PIWIL4: variants seen among roughly 807,000 people sequenced by gnomAD.
PIWIL4 encodes the protein piwi like RNA-mediated gene silencing 4.
PIWIL4 carries 50 observed loss-of-function variants against 100.9 expected under a neutral mutation model. The observed-to-expected ratio is 0.50, with a 90% CI of 0.39 to 0.63. The LOEUF (loss-of-function observed/expected upper bound fraction) is 0.63. PIWIL4 is among the 20% of genes least tolerant of loss of function. The probability of loss-of-function intolerance (pLI) is 0.00; values close to 1 mark genes in which losing one functional copy is unlikely to be tolerated. For missense variants in PIWIL4, 887 were observed against 1,043.3 expected (o/e 0.85, Z 2.06); for synonymous variants, 342 against 367.5 (o/e 0.93, Z 0.79).
At chr11:94,612,977 TAG>T (rs1565283837) in intron 15 of PIWIL4, among the ~76,000 whole-genome samples, 1 of 152,212 alleles carries the variant, frequency 6.6e-6, no homozygotes, top group African/African-American at 2.4e-5. Context: ...TCCCTACAAC[TAG>T]AGTTATAAGT....
rs1426723181 is a variant in PIWIL4 at position 94,603,925 on chromosome 11, A to G, written c.1566-59A>G. 13 of 1,033,696 alleles carry G rather than the reference A, an allele frequency of 1.3e-5. No individual in the cohort carries two copies. In the East Asian group the frequency reaches 2.7e-4, roughly 21 times the overall value. The allele number at this position is 1,033,696 out of a possible 1,614,324, so 64.0% of individuals were successfully genotyped here. A position where few individuals can be genotyped will look rare whatever the true frequency, so the allele number is the denominator to read the frequency against. ...TTATTTGTATTATTTCTAATGCCAT[A>G]TAAGTATGTGCTACTAAGAAGGAAG... is the stretch of plus-strand genomic sequence containing the variant. On this transcript the variant is annotated intron_variant, in intron 12 of 19. Coordinates refer to ENST00000299001, the MANE Select transcript of PIWIL4 (RefSeq NM_152431.3).
intron 13 of PIWIL4, among the ~76,000 whole-genome samples, chr11:94,606,658 C>A (rs1024473028): frequency 1.3e-5 from 2 of 152,084 alleles, no homozygotes; most frequent in Admixed American, 1.3e-4. Flanking sequence ...CATAGTGAAA[C>A]CCCGTCTCTA....
chr11:94,603,452 C>T (rs1052718391), intron 12 of PIWIL4, among the ~76,000 whole-genome samples: 17 of 152,114 alleles, frequency 1.1e-4, no homozygotes, highest in South Asian at 2.1e-4. Context: ...AGTACTTGTG[C>T]GCTGATTAAG....
rs143061068 is a variant in PIWIL4 at position 94,619,887 on chromosome 11, C to T, written c.2294+2C>T. ...TTCAGAAGCAACACGTAACGAATGG[C>T]AAGTGCCGCTGGAAAATCAATTTTT... On this transcript the variant is annotated splice_donor_variant, in intron 18 of 19. Transcript: ENST00000299001. LOFTEE classifies it low-confidence loss of function (GC_TO_GT_DONOR). The T allele has an allele frequency of 3.7e-5, 59 of 1,614,098 alleles. No individual in the cohort carries two copies. In the African/African-American group the frequency reaches 7.2e-4, roughly 20 times the overall value.
chr11:94,581,391 T>C (rs1050572622), intron 4 of PIWIL4, among the ~76,000 whole-genome samples: 2 of 152,106 alleles, frequency 1.3e-5, no homozygotes, highest in Non-Finnish European at 2.9e-5. Flanking sequence ...ATGGGAGATA[T>C]GGGATTCCTA....
At chr11:94,617,876 C>A in intron 16 of PIWIL4, 78 bp from the exon 17 acceptor site, 1 of 1,488,640 alleles carries the variant, frequency 6.7e-7, no homozygotes, top group Non-Finnish European at 9.4e-7. Flanking sequence ...CCCATTTAAA[C>A]ACTGCAATAT....
At chr11:94,590,640 C>T (rs908893178) in intron 8 of PIWIL4, among the ~76,000 whole-genome samples, 1 of 152,138 alleles carries the variant, frequency 6.6e-6, no homozygotes, top group African/African-American at 2.4e-5. Flanking sequence ...TCCTGTTTCT[C>T]CTTGGAAATT....
At position 94,567,606 on chromosome 11, in the gene PIWIL4, G is replaced by T; in HGVS notation, c.87+1G>T. ...GGGGCGCATCCAAGCCTCGCCATTGGTGTGTAGAATGCTTATTGCGCATGG... is the reference window on the plus strand; with the variant it reads ...GGGGCGCATCCAAGCCTCGCCATTGTTGTGTAGAATGCTTATTGCGCATGG... On this transcript the variant is annotated splice_donor_variant, in intron 1 of 19. Transcript: ENST00000299001. LOFTEE classifies it high-confidence loss of function. 1 of 1,601,320 alleles carries T rather than the reference G, an allele frequency of 6.2e-7. No homozygotes were observed. Among genetic ancestry groups the T allele is most frequent in the South Asian group, 1.1e-5 (1 of 88,306 alleles).
chr11:94,577,489 A>G lies in PIWIL4; in HGVS notation c.510A>G (p.Glu170=). ...AILFLSQKLE[E]KVTELSSETQ... ...TTTTTCTGTCACAAAAGCTAGAAGA[A>G]AAGGTATAGTATGATTAGTTTTTTT... The change falls in exon 4 of 20, where the codon GAA becomes GAG. Residue 170 remains glutamate (E), a synonymous_variant. Transcript: ENST00000299001. The G allele has an allele frequency of 1.2e-6, 2 of 1,612,132 alleles. No homozygotes were observed. The highest frequency in any genetic ancestry group is 1.7e-6 in the Non-Finnish European group (2 of 1,178,876).
chr11:94,596,106 A>G (rs1948554926), intron 10 of PIWIL4, among the ~76,000 whole-genome samples: 1 of 152,270 alleles, frequency 6.6e-6, no homozygotes, highest in East Asian at 1.9e-4. Context: ...GTTAAATAAC[A>G]TATATTTAAA....
At position 94,585,438 on chromosome 11, in the gene PIWIL4, C is replaced by G. The variant is rs550317574; in HGVS notation, c.636-7C>G. On this transcript the variant is annotated splice_polypyrimidine_tract_variant and splice_region_variant and intron_variant, in intron 5 of 19. Coordinates refer to ENST00000299001, the MANE Select transcript of PIWIL4 (RefSeq NM_152431.3). ...TTTACCAAAAATTCAAAAAAATATA[C>G]TTGCAGGATCCTCAAAAAGTTGTCC... 1.2e-6 allele frequency: 2 copies of G among 1,601,210 alleles called. No homozygotes were observed. The highest frequency in any genetic ancestry group is 1.7e-6 in the Non-Finnish European group (2 of 1,173,976).
intron 2 of PIWIL4, among the ~76,000 whole-genome samples, chr11:94,572,832 A>G (rs1328850440): frequency 1.3e-5 from 2 of 152,198 alleles, no homozygotes; most frequent in Non-Finnish European, 2.9e-5. Flanking sequence ...GAAGAAAGTC[A>G]TTGGTAGCTT....
At chr11:94,619,350 T>G (rs1948880434) in intron 17 of PIWIL4, among the ~76,000 whole-genome samples, 2 of 152,160 alleles carry the variant, frequency 1.3e-5, no homozygotes, top group South Asian at 4.1e-4. Flanking sequence ...TAGGAAGAAC[T>G]TGTGGTTCTT....
intron 8 of PIWIL4, 66 bp from the exon 9 acceptor site, chr11:94,593,452 T>C (rs1383834333): frequency 6.6e-7 from 1 of 1,511,840 alleles, no homozygotes; most frequent in African/African-American, 1.4e-5. Flanking sequence ...CCTTGTTGAA[T>C]GTAAGGATGC....
At chr11:94,577,518 G>A (rs1201996769) in intron 4 of PIWIL4, 26 bp downstream of exon 4, 1 of 1,554,052 alleles carries the variant, frequency 6.4e-7, no homozygotes, top group Non-Finnish European at 8.8e-7. Flanking sequence ...TTTTTTTACT[G>A]TATATGTGGG....
Position 94,583,472 on chromosome 11 carries a change from C to G in PIWIL4, c.538C>G (p.Gln180Glu), listed in dbSNP as rs1948354597. 6.2e-7 allele frequency: 1 copy of G among 1,613,638 alleles called. No individual in the cohort carries two copies. Among genetic ancestry groups the G allele is most frequent in the African/African-American group, 1.3e-5 (1 of 74,894 alleles). Residue 180 changes from glutamine to glutamate, a missense_variant, in exon 5 of 20, where the codon CAA (glutamine) becomes GAA (glutamate). By Grantham distance (29) the Gln-to-Glu change is conservative (BLOSUM62 2). This residue lies in a region of PIWIL4 where 741 missense variants were observed against 930.0 expected (regional missense o/e 0.80). Coordinates refer to ENST00000299001, the MANE Select transcript of PIWIL4 (RefSeq NM_152431.3). The part of the protein sequence containing the change: ...EKVTELSSET[Q>E]RGETIKMTIT... ...GGTCACAGAGTTGTCAAGTGAAACT[C>G]AAAGAGGTGAGACTATAAAGATGAC...
At chr11:94,612,316 T>G (rs12361337) in intron 15 of PIWIL4, among the ~76,000 whole-genome samples, 31 of 18,734 alleles carry the variant, frequency 1.7e-3, no homozygotes, top group Non-Finnish European at 1.4e-3. Flanking sequence ...TTTTGTGAGG[T>G]TTTTTTTTTT....
rs1290742067 is a variant in PIWIL4 at position 94,601,982 on chromosome 11, G to A, written c.1565+3G>A. On this transcript the variant is annotated splice_donor_region_variant and intron_variant, in intron 12 of 19. Transcript: ENST00000299001. Reference sequence around the variant, plus strand: ...TTTAATGTGGACTACCCCAAAATGTGAGAATACATTGAATTTTGTTCATAT... The same window carrying A: ...TTTAATGTGGACTACCCCAAAATGTAAGAATACATTGAATTTTGTTCATAT... 2.5e-6 allele frequency: 4 copies of A among 1,597,838 alleles called. No homozygotes were observed. Among genetic ancestry groups the A allele is most frequent in the Admixed American group, 1.8e-5 (1 of 54,770 alleles).
chr11:94,606,719 A>G (rs938328644), intron 13 of PIWIL4, among the ~76,000 whole-genome samples: 6 of 152,022 alleles, frequency 3.9e-5, no homozygotes, highest in Non-Finnish European at 8.8e-5. Flanking sequence ...CTGTAATCCC[A>G]GCTACTCGGG....
Sources: gnomAD v4.1 joint callset for allele counts (sites outside exome capture counted in the v4.1 genomes callset) on GRCh38, gnomAD v4.1.1 for gene constraint, gnomAD v4.1.1 regional missense constraint, MANE v1.5 for transcripts, NCBI Gene and HGNC (gene_info 2026-07-23, HGNC 2026-07-21) for gene names.